The following AOX1 variants were observed in gnomAD, a reference collection of about 807,000 sequenced individuals.
The protein encoded by AOX1 is aldehyde oxidase.
In AOX1, 153 loss-of-function variants were observed where a neutral mutation model predicts 169.5. That is an observed-to-expected ratio of 0.90 (90% CI 0.79 to 1.03). AOX1 has a LOEUF of 1.03. Among genes scored for constraint, AOX1 ranks in the 50% least tolerant of loss-of-function variants. AOX1 has a pLI of 0.00. For synonymous variants in AOX1, 562 were observed against 581.9 expected (o/e 0.97, Z 0.49); for missense variants, 1,656 against 1,663.9 (o/e 1.00, Z 0.08).
intron 25 of AOX1, among the ~76,000 whole-genome samples, chr2:200,647,135 TA>T (rs1449343011): frequency 2.3e-5 from 3 of 128,236 alleles, no homozygotes; most frequent in African/African-American, 9.2e-5. Context: ...CTTTGTTTTT[TA>T]TTTTTTTGTT....
Position 200,613,976 on chromosome 2 carries a change from T to A in AOX1, c.1611+10T>A, listed in dbSNP as rs757600236. 1.2e-6 allele frequency: 2 copies of A among 1,611,258 alleles called. No individual in the cohort carries two copies. The highest frequency in any genetic ancestry group is 2.2e-5 in the South Asian group (2 of 90,864). Reference sequence around the variant, plus strand: ...GATTTTGAAAAAGATGGTAAACAACTGTTTACACATTAACTTCCCCAGTAC... The same window carrying A: ...GATTTTGAAAAAGATGGTAAACAACAGTTTACACATTAACTTCCCCAGTAC... On this transcript the variant is annotated intron_variant, in intron 15 of 34. Coordinates refer to ENST00000374700, the MANE Select transcript of AOX1 (RefSeq NM_001159.4).
chr2:200,660,851 G>T (rs1199594003), intron 29 of AOX1, among the ~76,000 whole-genome samples: 2 of 152,106 alleles, frequency 1.3e-5, no homozygotes, highest in Non-Finnish European at 2.9e-5. Flanking sequence ...TACTTCCTGG[G>T]CATATTTGTT....
intron 6 of AOX1, 87 bp downstream of exon 6, chr2:200,602,432 CTTA>C: frequency 8.9e-7 from 1 of 1,126,314 alleles, no homozygotes; most frequent in Non-Finnish European, 1.3e-6. Context: ...GGGCAGCCAT[CTTA>C]CTAATACATG....
chr2:200,652,583 G>T (rs2035600857), intron 26 of AOX1, among the ~76,000 whole-genome samples: 1 of 152,188 alleles, frequency 6.6e-6, no homozygotes, highest in Non-Finnish European at 1.5e-5. Context: ...TCCTTGTGCA[G>T]ACTAGTCAGG....
rs1406937556 is a variant in AOX1 at position 200,641,142 on chromosome 2, G to A, written c.2613G>A (p.Glu871=). Residue 871 remains glutamate, a synonymous_variant, in exon 24 of 35, where the codon GAG becomes GAA. Coordinates refer to ENST00000374700, the MANE Select transcript of AOX1 (RefSeq NM_001159.4). ...NDGRILALDM[E]HYSNAGASLD... ...GCAGAATCTTGGCCCTGGACATGGAGCATTACAGCAATGCAGGCGCCTCCT... is the reference window on the plus strand; with the variant it reads ...GCAGAATCTTGGCCCTGGACATGGAACATTACAGCAATGCAGGCGCCTCCT... The A allele has an allele frequency of 1.2e-6, 2 of 1,613,530 alleles. No individual in the cohort carries two copies. The highest frequency in any genetic ancestry group is 1.3e-5 in the African/African-American group (1 of 75,032).
intron 4 of AOX1, 52 bp from the exon 5 acceptor site, chr2:200,599,568 G>C: frequency 6.8e-7 from 1 of 1,468,342 alleles, no homozygotes. Flanking sequence ...TAATTCATTA[G>C]GCCTGGGATG....
chr2:200,612,928 C>A, intron 14 of AOX1, 135 bp downstream of exon 14: 2 of 679,056 alleles, frequency 2.9e-6, no homozygotes, highest in African/African-American at 1.8e-5. Context: ...CTGGGAATTC[C>A]AATAAGATTT....
At chr2:200,668,436 T>C (rs1265134958) in intron 32 of AOX1, among the ~76,000 whole-genome samples, 179 bp from the exon 33 acceptor site, 2 of 152,122 alleles carry the variant, frequency 1.3e-5, no homozygotes, top group Non-Finnish European at 2.9e-5. Flanking sequence ...AACTTAATGC[T>C]GAACAAACAT....
chr2:200,634,806 G>A lies in AOX1; in HGVS notation c.2237G>A (p.Gly746Glu). The change falls in exon 21 of 35, where the codon GGA (glycine) becomes GAA (glutamate). Residue 746 changes from glycine to glutamate, a missense_variant. Physicochemically the swap from Gly to Glu is moderately conservative, Grantham distance 98 (BLOSUM62 -2). Transcript: ENST00000374700. ...DQILEGEIHM[G>E]GQEHFYMETQ... Reference sequence around the variant, plus strand: ...CCTGTAACAGGTGAAATACATATGGGAGGTCAAGAACATTTTTATATGGAA... The same window carrying A: ...CCTGTAACAGGTGAAATACATATGGAAGGTCAAGAACATTTTTATATGGAA... 4 of 1,613,980 alleles carry A rather than the reference G, an allele frequency of 2.5e-6. No homozygotes were observed. The highest frequency in any genetic ancestry group is 3.4e-6 in the Non-Finnish European group (4 of 1,179,940).
At chr2:200,617,364 G>A (rs1451996791) in intron 16 of AOX1, among the ~76,000 whole-genome samples, 1 of 150,122 alleles carries the variant, frequency 6.7e-6, no homozygotes, top group African/African-American at 2.4e-5. Flanking sequence ...AGCTTCAAAA[G>A]ATCACCAGTT....
At position 200,627,430 on chromosome 2, in the gene AOX1, G is replaced by C. The variant is rs763186599; in HGVS notation, c.2202G>C (p.Val734=). 40 of 1,612,998 alleles carry C rather than the reference G, an allele frequency of 2.5e-5. No individual in the cohort carries two copies. The highest frequency in any genetic ancestry group is 1.6e-4 in the Middle Eastern group (1 of 6,072). Reference sequence around the variant, plus strand: ...GAAATGTTGACGAAGCATTTAAAGTGGTTGATCAAATTCTTGAAGGTAAAA... The same window carrying C: ...GAAATGTTGACGAAGCATTTAAAGTCGTTGATCAAATTCTTGAAGGTAAAA... ...EYGNVDEAFK[V]VDQILEGEIH... Residue 734 remains valine, a synonymous_variant, in exon 20 of 35, where the codon GTG becomes GTC. Coordinates refer to ENST00000374700, the MANE Select transcript of AOX1 (RefSeq NM_001159.4).
At chr2:200,628,996 T>C (rs1167492665) in intron 20 of AOX1, among the ~76,000 whole-genome samples, 2 of 152,136 alleles carry the variant, frequency 1.3e-5, no homozygotes, top group Non-Finnish European at 2.9e-5. Context: ...CCAACCTTGA[T>C]CACAAGAATA....
Position 200,627,400 on chromosome 2 carries a change from A to G in AOX1, c.2172A>G (p.Glu724=). ...CCTTCAAGCCAGAAAGGAAACTGGA[A>G]TATGGAAATGTTGACGAAGCATTTA... The part of the protein sequence containing the change: ...NSSFKPERKL[E]YGNVDEAFKV... The change falls in exon 20 of 35, where the codon GAA becomes GAG. Residue 724 remains glutamate (E), a synonymous_variant. Transcript: ENST00000374700. The G allele has an allele frequency of 6.2e-7, 1 of 1,613,992 alleles. No individual in the cohort carries two copies. The highest frequency in any genetic ancestry group is 1.1e-5 in the South Asian group (1 of 91,084).
intron 31 of AOX1, among the ~76,000 whole-genome samples, chr2:200,666,238 G>T (rs1220318104): frequency 6.6e-6 from 1 of 152,078 alleles, no homozygotes; most frequent in Non-Finnish European, 1.5e-5. Flanking sequence ...TTTTTTGTTG[G>T]TGCACCCTGA....
chr2:200,606,889 C>T (rs139856668), intron 10 of AOX1, among the ~76,000 whole-genome samples: 5,292 of 152,146 alleles, frequency 0.035, 141 homozygotes, highest in Middle Eastern at 0.11. Context: ...TGGGCTGAGA[C>T]GATGGGGTTT....
chr2:200,601,562 T>C (rs2034413535), intron 5 of AOX1, among the ~76,000 whole-genome samples: 1 of 152,132 alleles, frequency 6.6e-6, no homozygotes, highest in Non-Finnish European at 1.5e-5. Context: ...GTAAGACTTA[T>C]CTCCAAATTC....
intron 33 of AOX1, 115 bp from the exon 34 acceptor site, chr2:200,669,460 A>G (rs2035985762): frequency 8.0e-7 from 1 of 1,244,788 alleles, no homozygotes; most frequent in African/African-American, 1.5e-5. Context: ...CAAAAAAAAA[A>G]AAATGTACAT....
Position 200,636,117 on chromosome 2 carries a change from C to CTTTTTTTT in AOX1, c.2347-772_2347-765dup. ...CAATCCAAGCAAGAAGTGAGAAGTG[C>CTTTTTTTT]TTTTTTTTTTTTTTTTTTTTTTTTT... On this transcript the variant is annotated intron_variant, in intron 21 of 34. Transcript: ENST00000374700. Among the ~76,000 whole-genome samples, 46 of 53,974 alleles carry CTTTTTTTT rather than the reference C, an allele frequency of 8.5e-4. 10 individuals carry two copies. Among genetic ancestry groups the CTTTTTTTT allele is most frequent in the Non-Finnish European group, 1.4e-3 (43 of 30,278 alleles). The allele number at this position is 53,974 out of a possible 152,430, so 35.4% of individuals were successfully genotyped here. A position where few individuals can be genotyped will look rare whatever the true frequency, so the allele number is the denominator to read the frequency against.
chr2:200,607,911 G>A (rs2034548611), intron 10 of AOX1, among the ~76,000 whole-genome samples: 1 of 152,144 alleles, frequency 6.6e-6, no homozygotes, highest in Non-Finnish European at 1.5e-5. Context: ...AGTGGGAGTT[G>A]AACAATGAGA....
Sources: allele counts gnomAD v4.1 joint callset (sites outside exome capture counted in the v4.1 genomes callset), GRCh38; gene constraint gnomAD v4.1.1; transcripts MANE v1.5; gene names NCBI Gene and HGNC (gene_info 2026-07-23, HGNC 2026-07-21).